The following WDFY3 variants were observed in gnomAD, a reference collection of about 807,000 sequenced individuals.
WDFY3 encodes WD repeat and FYVE domain containing 3.
In WDFY3, 66 loss-of-function variants were observed where a neutral mutation model predicts 409.6. That is an observed-to-expected ratio of 0.16 (90% CI 0.13 to 0.20). The LOEUF (loss-of-function observed/expected upper bound fraction) is 0.20, where lower values mean the gene tolerates loss of function less well. Among genes scored for constraint, WDFY3 ranks in the 10% least tolerant of loss-of-function variants. The pLI is 1.00. For missense variants in WDFY3, 3,031 were observed against 4,298.1 expected, an observed-to-expected ratio of 0.71 and a Z score of 8.24; for synonymous variants, 1,521 against 1,537.1, an observed-to-expected ratio of 0.99 and a Z score of 0.25.
At chr4:84,814,838 T>C (rs1000860067) in intron 13 of WDFY3, among the ~76,000 whole-genome samples, 3 of 152,152 alleles carry the variant, frequency 2.0e-5, no homozygotes, top group African/African-American at 7.2e-5. Context: ...AAAAACATAG[T>C]ATATATAGCA....
chr4:84,736,148 A>T, intron 42 of WDFY3, 22 bp downstream of exon 42: 1 of 1,598,970 alleles, frequency 6.3e-7, no homozygotes, highest in Non-Finnish European at 8.5e-7. Flanking sequence ...AACTAATATC[A>T]GCAATGAAAC....
rs530835249 is a variant in WDFY3 at position 84,873,083 on chromosome 4, T to C, written c.-31-12461A>G. Among the ~76,000 whole-genome samples, 8 of 152,058 alleles carry C rather than the reference T, an allele frequency of 5.3e-5. No homozygotes were observed. The East Asian group carries it at 1.5e-3, about 29-fold the overall frequency. ...GAAAGAGACAAATTGATTATTGGAG[T>C]TTGAGACAGCACTCATACATTAATT... On this transcript the variant is annotated intron_variant, in intron 3 of 67. Transcript: ENST00000295888.
chr4:84,934,496 G>T (rs1404075167), intron 1 of WDFY3, among the ~76,000 whole-genome samples: 1 of 152,130 alleles, frequency 6.6e-6, no homozygotes, highest in African/African-American at 2.4e-5. Flanking sequence ...TTGCCAGATG[G>T]CAGATACATA....
intron 43 of WDFY3, among the ~76,000 whole-genome samples, chr4:84,734,384 TA>T (rs961220226): frequency 2.4e-4 from 36 of 152,180 alleles, no homozygotes; most frequent in African/African-American, 8.2e-4. Context: ...AGTGAACAAT[TA>T]AAAAATTATC....
At chr4:84,673,787 A>AT (rs199814800) in intron 67 of WDFY3, among the ~76,000 whole-genome samples, 2 of 151,586 alleles carry the variant, frequency 1.3e-5, no homozygotes, top group South Asian at 2.1e-4. Flanking sequence ...GAAAAAAAAA[A>AT]TTTTTTTTTG....
intron 1 of WDFY3, among the ~76,000 whole-genome samples, chr4:84,960,852 T>G (rs915911515): frequency 2.0e-5 from 3 of 152,212 alleles, no homozygotes; most frequent in African/African-American, 7.2e-5. Context: ...GGCAACCCAG[T>G]ATTCTACTAC....
intron 30 of WDFY3, among the ~76,000 whole-genome samples, chr4:84,772,275 G>A (rs1469506252): frequency 1.3e-5 from 2 of 152,042 alleles, no homozygotes; most frequent in Admixed American, 1.3e-4. Context: ...AAAAACATAT[G>A]GGAACAGAGG....
At chr4:84,727,247 A>C (rs556405347) in intron 44 of WDFY3, among the ~76,000 whole-genome samples, 9 of 152,234 alleles carry the variant, frequency 5.9e-5, no homozygotes, top group East Asian at 1.9e-4. Flanking sequence ...TAAAAAAAAA[A>C]ACAAAAAACA....
At chr4:84,684,232 C>G in intron 62 of WDFY3, 107 bp from the exon 63 acceptor site, 1 of 1,109,126 alleles carries the variant, frequency 9.0e-7, no homozygotes, top group South Asian at 2.4e-5. Context: ...CCTTTCAGTC[C>G]TAAGACTAGT....
chr4:84,893,700 A>T (rs1329177901), intron 3 of WDFY3, among the ~76,000 whole-genome samples: 1 of 152,208 alleles, frequency 6.6e-6, no homozygotes, highest in Non-Finnish European at 1.5e-5. Flanking sequence ...ATTGTTTAAA[A>T]AATAGGCTGG....
intron 2 of WDFY3, among the ~76,000 whole-genome samples, chr4:84,918,165 T>C (rs918516599): frequency 5.3e-5 from 8 of 152,138 alleles, no homozygotes; most frequent in Non-Finnish European, 1.0e-4. Context: ...CAAAACTACA[T>C]AGGCATTTAC....
chr4:84,889,712 T>A (rs1016668024), intron 3 of WDFY3, among the ~76,000 whole-genome samples: 1 of 152,068 alleles, frequency 6.6e-6, no homozygotes. Flanking sequence ...TCCTTAATAG[T>A]AAATGGAGAT....
intron 4 of WDFY3, among the ~76,000 whole-genome samples, chr4:84,850,933 T>TTTTTTTTTTTTTTTTTTTTTTTTTTTTG (rs1758889530): frequency 2.2e-5 from 1 of 45,020 alleles, no homozygotes; most frequent in Non-Finnish European, 4.8e-5. Context: ...TATCTGTTTT[T>TTTTTTTTTTTTTTTTTTTTTTTTTTTTG]TTTTTTTTTT....
chr4:84,756,651 A>G (rs369377289), intron 33 of WDFY3, among the ~76,000 whole-genome samples: 1 of 151,814 alleles, frequency 6.6e-6, no homozygotes. Flanking sequence ...AAATCATATA[A>G]CAAAAGAGTT....
intron 34 of WDFY3, 134 bp from the exon 35 acceptor site, chr4:84,754,010 A>G: frequency 1.0e-6 from 1 of 966,564 alleles, no homozygotes; most frequent in Non-Finnish European, 1.4e-6. Context: ...AACCACACAT[A>G]TGAGCAAACA....
intron 20 of WDFY3, 41 bp from the exon 21 acceptor site, chr4:84,794,778 AT>A (rs1243090877): frequency 6.5e-7 from 1 of 1,534,172 alleles, no homozygotes; most frequent in Admixed American, 2.2e-5. Flanking sequence ...GTTGATTAAT[AT>A]TTATATTTTT....
At chr4:84,936,805 T>C (rs1771473766) in intron 1 of WDFY3, among the ~76,000 whole-genome samples, 1 of 152,000 alleles carries the variant, frequency 6.6e-6, no homozygotes, top group Non-Finnish European at 1.5e-5. Context: ...TCATGACATT[T>C]ACCTCCCCAC....
chr4:84,800,385 G>A, intron 17 of WDFY3, among the ~76,000 whole-genome samples: 1 of 152,134 alleles, frequency 6.6e-6, no homozygotes, highest in East Asian at 1.9e-4. Context: ...GCTCAAAGCA[G>A]GAGGCTTCCT....
At chr4:84,959,652 A>C (rs979311949) in intron 1 of WDFY3, among the ~76,000 whole-genome samples, 1 of 152,208 alleles carries the variant, frequency 6.6e-6, no homozygotes, top group African/African-American at 2.4e-5. Context: ...AGGAGATAGG[A>C]GAAGAAAATA....
Sources: allele counts gnomAD v4.1 joint callset (sites outside exome capture counted in the v4.1 genomes callset), GRCh38; gene constraint gnomAD v4.1.1; transcripts MANE v1.5; gene names NCBI Gene and HGNC (gene_info 2026-07-23, HGNC 2026-07-21).